C5orf34: variants seen among roughly 807,000 people sequenced by gnomAD.
The protein encoded by C5orf34 is chromosome 5 open reading frame 34.
C5orf34 carries 73 observed loss-of-function variants against 78.4 expected under a neutral mutation model. The ratio of observed to expected loss-of-function variants is 0.93; its 90% CI spans 0.77 to 1.13. The LOEUF (loss-of-function observed/expected upper bound fraction) is 1.13. C5orf34 is among the 50% of genes most tolerant of loss of function. The pLI is 0.00. For missense variants in C5orf34, 730 were observed against 732.7 expected (o/e 1.00, Z 0.04); for synonymous variants, 251 against 246.6 (o/e 1.02, Z -0.17).
chr5:43,508,138 G>T (rs1447891993), intron 3 of C5orf34, among the ~76,000 whole-genome samples: 2 of 151,518 alleles, frequency 1.3e-5, no homozygotes, highest in African/African-American at 4.9e-5. Context: ...TGATTGGATG[G>T]ACATCCATTT....
chr5:43,493,462 A>G lies in C5orf34; in HGVS notation c.1314+81T>C. ...AGAATTTCTCACATGACTTAGAGGA[A>G]AACTGTTTGAACTCAGAAGTATGGA... On this transcript the variant is annotated intron_variant, in intron 8 of 12. Coordinates refer to ENST00000306862, the MANE Select transcript of C5orf34 (RefSeq NM_198566.4). The G allele has an allele frequency of 6.0e-6, 5 of 837,066 alleles. No individual in the cohort carries two copies. In the South Asian group the frequency reaches 8.0e-5, roughly 13 times the overall value. 51.9% of individuals were successfully genotyped at this position (837,066 alleles called of 1,614,324 possible).
At chr5:43,499,860 A>G (rs1745685471) in intron 6 of C5orf34, among the ~76,000 whole-genome samples, 2 of 152,122 alleles carry the variant, frequency 1.3e-5, no homozygotes, top group African/African-American at 2.4e-5. Context: ...AACTTATTTC[A>G]CCATTTCCCT....
At chr5:43,487,983 GTC>G (rs1281300503) in intron 11 of C5orf34, 34 bp from the exon 12 acceptor site, 2 of 1,560,062 alleles carry the variant, frequency 1.3e-6, no homozygotes, top group Non-Finnish European at 1.7e-6. Flanking sequence ...TCATTCAGTT[GTC>G]TGATTCTTTT....
rs1413290618 is a variant in C5orf34 at position 43,492,861 on chromosome 5, C to G, written c.1344G>C (p.Leu448=). The G allele has an allele frequency of 6.2e-7, 1 of 1,606,976 alleles. No individual in the cohort carries two copies. The highest frequency in any genetic ancestry group is 1.1e-5 in the South Asian group (1 of 90,348). ...MVPGINDSNI[L]PLVLKESLIP... ...TGAGTGACTCTTTCAAAACCAAAGG[C>G]AGTATATTGCTATCATTTATCCCAG... Residue 448 remains leucine, a synonymous_variant, in exon 9 of 13, where the codon CTG becomes CTC. Coordinates refer to ENST00000306862, the MANE Select transcript of C5orf34 (RefSeq NM_198566.4).
intron 4 of C5orf34, among the ~76,000 whole-genome samples, chr5:43,504,472 A>G (rs1430080887): frequency 6.6e-6 from 1 of 152,182 alleles, no homozygotes; most frequent in Non-Finnish European, 1.5e-5. Flanking sequence ...GGAATTGTAT[A>G]GGACTTAACT....
intron 1 of C5orf34, among the ~76,000 whole-genome samples, chr5:43,510,228 A>G (rs1316541413): frequency 6.6e-6 from 1 of 152,248 alleles, no homozygotes; most frequent in African/African-American, 2.4e-5. Context: ...GAAGAAATCC[A>G]AATACCTGGA....
At position 43,490,714 on chromosome 5, in the gene C5orf34, T is replaced by C; in HGVS notation, c.1596A>G (p.Val532=). ...PEPYERYVTT[V]TSWCRRLTQT... ...GGGTCAGTCTCCTGCACCATGATGT[T>C]ACTGTTGTCACATATCTAAAGTGAA... The change falls in exon 11 of 13, where the codon GTA becomes GTG. Residue 532 remains valine, a synonymous_variant. Transcript: ENST00000306862. The C allele has an allele frequency of 1.3e-6, 2 of 1,590,126 alleles. No homozygotes were observed. Among genetic ancestry groups the C allele is most frequent in the South Asian group, 2.2e-5 (2 of 90,176 alleles).
chr5:43,492,545 G>A (rs1745325365), intron 9 of C5orf34, among the ~76,000 whole-genome samples, 175 bp downstream of exon 9: 1 of 152,160 alleles, frequency 6.6e-6, no homozygotes, highest in Admixed American at 6.5e-5. Flanking sequence ...TTAGAAAAGT[G>A]ACTATTTGTC....
At chr5:43,489,100 C>CT (rs35229643) in intron 11 of C5orf34, among the ~76,000 whole-genome samples, 2,494 of 148,044 alleles carry the variant, frequency 0.017, 61 homozygotes, top group East Asian at 0.13. Flanking sequence ...TGCAAAATAT[C>CT]TTTTTTTTTT....
At chr5:43,494,635 TAATA>T in intron 6 of C5orf34, 34 bp from the exon 7 acceptor site, 1 of 1,409,024 alleles carries the variant, frequency 7.1e-7, no homozygotes, top group Non-Finnish European at 9.9e-7. Context: ...ATTTCATTAA[TAATA>T]AATTTTGGCC....
chr5:43,500,998 G>C (rs1006529385), intron 6 of C5orf34, among the ~76,000 whole-genome samples: 2 of 152,188 alleles, frequency 1.3e-5, no homozygotes, highest in African/African-American at 4.8e-5. Context: ...TGAAGGTGTT[G>C]CACACAAAGG....
intron 4 of C5orf34, 71 bp from the exon 5 acceptor site, chr5:43,503,831 G>A: frequency 1.1e-6 from 1 of 933,774 alleles, no homozygotes; most frequent in South Asian, 1.3e-5. Context: ...TCAACAAAAT[G>A]TTGCTACTGT....
At chr5:43,509,410 T>A in intron 1 of C5orf34, 35 bp from the exon 2 acceptor site, 1 of 1,253,982 alleles carries the variant, frequency 8.0e-7, no homozygotes, top group East Asian at 2.5e-5. Context: ...GCATAAATAG[T>A]TCTCTTAATG....
At position 43,503,644 on chromosome 5, in the gene C5orf34, A is replaced by AAGCCAACATAGG. The variant is rs1482244384; in HGVS notation, c.1028+9_1028+20dup. On this transcript the variant is annotated intron_variant, in intron 5 of 12. Coordinates refer to ENST00000306862, the MANE Select transcript of C5orf34 (RefSeq NM_198566.4). The stretch of plus-strand genomic sequence containing the variant: ...ATAAACAGCTCTAACTCCAACATAG[A>AAGCCAACATAGG]AGCCAACATAGGTGCCTTACCTATA... 9.4e-6 allele frequency: 14 copies of AAGCCAACATAGG among 1,494,412 alleles called. No individual in the cohort carries two copies. The South Asian group carries it at 1.6e-4, about 17-fold the overall frequency. The allele number at this position is 1,494,412 out of a possible 1,614,324, so 92.6% of individuals were successfully genotyped here. A position where few individuals can be genotyped will look rare whatever the true frequency, so the allele number is the denominator to read the frequency against.
rs190010882 is a variant in C5orf34 at position 43,493,292 on chromosome 5, C to G, written c.1314+251G>C. Among the ~76,000 whole-genome samples, 53 of 151,876 alleles carry G rather than the reference C, an allele frequency of 3.5e-4. No homozygotes were observed. The East Asian group carries it at 4.3e-3, about 12-fold the overall frequency. On this transcript the variant is annotated intron_variant, in intron 8 of 12. Coordinates refer to ENST00000306862, the MANE Select transcript of C5orf34 (RefSeq NM_198566.4). ...TTATAATGACTAATGATTTTACATA[C>G]TTCAAATCCAATCAGTTCCCCTATC...
At chr5:43,506,551 T>C (rs1382388871) in intron 3 of C5orf34, among the ~76,000 whole-genome samples, 157 bp from the exon 4 acceptor site, 1 of 152,172 alleles carries the variant, frequency 6.6e-6, no homozygotes, top group African/African-American at 2.4e-5. Context: ...TCTCAGCCTA[T>C]ATATGATTTT....
At chr5:43,495,126 C>A (rs2112282500) in intron 6 of C5orf34, 1 of 1,593,756 alleles carries the variant, frequency 6.3e-7, no homozygotes, top group East Asian at 2.2e-5. Context: ...CCACCTCCAG[C>A]AGCCTTCTTG....
intron 6 of C5orf34, chr5:43,495,393 C>T (rs1216708546): frequency 2.5e-6 from 4 of 1,611,742 alleles, no homozygotes; most frequent in Non-Finnish European, 3.4e-6. Flanking sequence ...GGGGCATAGC[C>T]AGCGCTTATT....
At chr5:43,504,815 A>G (rs1411511071) in intron 4 of C5orf34, among the ~76,000 whole-genome samples, 3 of 152,210 alleles carry the variant, frequency 2.0e-5, no homozygotes, top group Non-Finnish European at 1.5e-5. Context: ...TTACTTTTGA[A>G]GCATAATTCC....
Sources: gnomAD v4.1 joint callset for allele counts (sites outside exome capture counted in the v4.1 genomes callset) on GRCh38, gnomAD v4.1.1 for gene constraint, MANE v1.5 for transcripts, NCBI Gene and HGNC (gene_info 2026-07-23, HGNC 2026-07-21) for gene names.